Variants in RAI14 observed in about 807,000 individuals in gnomAD.
RAI14 encodes the protein retinoic acid induced 14.
A neutral mutation model predicts 115.4 loss-of-function variants in RAI14; 45 were observed. The ratio of observed to expected loss-of-function variants is 0.39; its 90% CI spans 0.31 to 0.50. The LOEUF (loss-of-function observed/expected upper bound fraction) is 0.50, where lower values mean the gene tolerates loss of function less well. Ranked by LOEUF, RAI14 falls within the 20% of genes least tolerant of loss-of-function variation. The pLI is 0.85. For synonymous variants in RAI14, 371 were observed against 415.4 expected (o/e 0.89, Z 1.30); for missense variants, 939 against 1,131.2 (o/e 0.83, Z 2.44).
In RAI14 at chr5:34,754,038, G is replaced by A. The variant is rs181710385; in HGVS notation, c.37-3430G>A. ...AGAGGTTGCAGTGAGCCAAGATCGT[G>A]CCACTGCACTCCAGGCTGGGCAACA... On this transcript the variant is annotated intron_variant, in intron 2 of 17. Transcript: ENST00000265109. Among the ~76,000 whole-genome samples, 330 of 151,742 alleles carry A rather than the reference G, an allele frequency of 2.2e-3. 2 individuals are homozygous for A. Among genetic ancestry groups the A allele is most frequent in the Admixed American group, 4.4e-3 (67 of 15,228 alleles).
chr5:34,820,208 A>G (rs1271084706), intron 13 of RAI14, among the ~76,000 whole-genome samples: 1 of 152,200 alleles, frequency 6.6e-6, no homozygotes, highest in Non-Finnish European at 1.5e-5. Flanking sequence ...TGGCTGTGAG[A>G]AAATAAAAAG....
chr5:34,788,918 G>A (rs1580265239), intron 3 of RAI14, among the ~76,000 whole-genome samples: 2 of 152,334 alleles, frequency 1.3e-5, no homozygotes, highest in East Asian at 1.9e-4. Context: ...GCAGTGAGCC[G>A]AGATTGAGTC....
At chr5:34,812,295 G>C in intron 10 of RAI14, 87 bp downstream of exon 10, 3 of 1,154,466 alleles carry the variant, frequency 2.6e-6, no homozygotes, top group Non-Finnish European at 2.5e-6. Flanking sequence ...TGGTCCACTA[G>C]TAAAGTAATA....
intron 2 of RAI14, among the ~76,000 whole-genome samples, chr5:34,715,142 G>C (rs1425322405): frequency 6.6e-6 from 1 of 152,276 alleles, no homozygotes; most frequent in South Asian, 2.1e-4. Context: ...GCGTGTGAGG[G>C]GGTTTGGGGC....
chr5:34,810,797 T>C (rs1486173629), intron 7 of RAI14, among the ~76,000 whole-genome samples: 1 of 152,062 alleles, frequency 6.6e-6, no homozygotes, highest in Non-Finnish European at 1.5e-5. Context: ...GGAGCTCCTA[T>C]GTAAAAGCTA....
intron 14 of RAI14, 58 bp from the exon 15 acceptor site, chr5:34,822,898 A>T: frequency 7.1e-7 from 1 of 1,415,344 alleles, no homozygotes; most frequent in East Asian, 2.3e-5. Context: ...CGTGTTAGCC[A>T]GGATGGTCTC....
chr5:34,743,000 G>A (rs562458281), intron 2 of RAI14, among the ~76,000 whole-genome samples: 3 of 152,282 alleles, frequency 2.0e-5, no homozygotes, highest in Admixed American at 1.3e-4. Flanking sequence ...ACCACCCGGT[G>A]ATTTTGAACA....
chr5:34,661,312 T>C (rs1168015696), intron 1 of RAI14, among the ~76,000 whole-genome samples: 6 of 152,222 alleles, frequency 3.9e-5, no homozygotes, highest in African/African-American at 1.4e-4. Flanking sequence ...TACTAGATTA[T>C]GAGCTCTACA....
intron 2 of RAI14, among the ~76,000 whole-genome samples, chr5:34,719,261 C>G (rs1742362525): frequency 6.6e-6 from 1 of 152,180 alleles, no homozygotes; most frequent in South Asian, 2.1e-4. Flanking sequence ...CCCATTGGCC[C>G]TGGCTTTCTC....
chr5:34,767,965 G>T (rs1749638724), intron 3 of RAI14, among the ~76,000 whole-genome samples: 1 of 151,566 alleles, frequency 6.6e-6, no homozygotes, highest in Admixed American at 6.6e-5. Flanking sequence ...TCCCTACTGG[G>T]GCACCACCTA....
Position 34,750,848 on chromosome 5 carries a change from A to AT in RAI14, c.37-6599dup, listed in dbSNP as rs869028180. Among the ~76,000 whole-genome samples, 341 of 83,602 alleles carry AT rather than the reference A, an allele frequency of 4.1e-3. 10 individuals are homozygous for AT. The highest frequency in any genetic ancestry group is 0.021 in the East Asian group (68 of 3,172). 54.8% of individuals were successfully genotyped at this position (83,602 alleles called of 152,430 possible). The stretch of plus-strand genomic sequence containing the variant: ...GACCTTATCCTTACTTTGCTTTATC[A>AT]TTTTTTTTTTTTTTTTTTTTTGAGG... On this transcript the variant is annotated intron_variant, in intron 2 of 17. Transcript: ENST00000265109.
chr5:34,783,269 A>C (rs1580245538), intron 3 of RAI14, among the ~76,000 whole-genome samples: 1 of 152,176 alleles, frequency 6.6e-6, no homozygotes, highest in East Asian at 1.9e-4. Context: ...TCTGTCCTCA[A>C]GTAGGTGGCT....
At chr5:34,752,902 G>C (rs1239944203) in intron 2 of RAI14, among the ~76,000 whole-genome samples, 2 of 151,366 alleles carry the variant, frequency 1.3e-5, no homozygotes, top group African/African-American at 4.9e-5. Context: ...CAAGTAGCTG[G>C]GATCACAGGC....
At chr5:34,737,559 C>A (rs1745020585) in intron 2 of RAI14, among the ~76,000 whole-genome samples, 2 of 151,154 alleles carry the variant, frequency 1.3e-5, no homozygotes, top group South Asian at 4.2e-4. Context: ...GAGTTTGAGA[C>A]CAGCCTGGGC....
rs532024359 is a variant in RAI14, at chr5:34,826,212, C to T, written c.2650-118C>T. On this transcript the variant is annotated intron_variant, in intron 15 of 17. Transcript: ENST00000265109. ...TTAAATGTATTAAAAAGGAATTGTT[C>T]CAAAGTCTTAAGTCCCAGAGGCCAA... 3.7e-4 allele frequency: 332 copies of T among 894,766 alleles called. 5 individuals are homozygous for T. The South Asian group carries it at 7.8e-3, about 21-fold the overall frequency. The allele number at this position is 894,766 out of a possible 1,614,324, so 55.4% of individuals were successfully genotyped here.
rs138542312 is a variant in RAI14, at chr5:34,677,205, C to T, written c.-48-9667C>T. Among the ~76,000 whole-genome samples the T allele has an allele frequency of 5.0e-3, 745 of 149,106 alleles. 8 individuals carry two copies. Among genetic ancestry groups the T allele is most frequent in the African/African-American group, 0.016 (659 of 40,744 alleles). On this transcript the variant is annotated intron_variant, in intron 1 of 17. Transcript: ENST00000265109. ...TTTGAGACACAGTTTCACTCTGTCA[C>T]GCAGGATGGAGTGCAGTGGCACGAT... is the stretch of plus-strand genomic sequence containing the variant.
At chr5:34,811,619 C>CATTCCA in intron 8 of RAI14, 148 bp from the exon 9 acceptor site, 1 of 621,394 alleles carries the variant, frequency 1.6e-6, no homozygotes, top group Non-Finnish European at 2.6e-6. Context: ...ATCTTGATTG[C>CATTCCA]ATTCCACTTC....
intron 3 of RAI14, among the ~76,000 whole-genome samples, chr5:34,764,472 A>G (rs1368793957): frequency 2.0e-5 from 3 of 151,980 alleles, no homozygotes; most frequent in Admixed American, 1.3e-4. Context: ...AGAGCGTTCC[A>G]ACAGGTGCTA....
At chr5:34,687,946 C>G (rs1738059158) in intron 2 of RAI14, 1 of 979,848 alleles carries the variant, frequency 1.0e-6, no homozygotes, top group Non-Finnish European at 1.5e-6. Context: ...ATGTAACTTA[C>G]TGCCCTGATA....
Sources: gnomAD v4.1 joint callset for allele counts (sites outside exome capture counted in the v4.1 genomes callset) on GRCh38, gnomAD v4.1.1 for gene constraint, MANE v1.5 for transcripts, NCBI Gene and HGNC (gene_info 2026-07-23, HGNC 2026-07-21) for gene names.